BNC1: variants seen among roughly 807,000 people sequenced by gnomAD.
BNC1 encodes zinc finger protein basonuclin-1.
A neutral mutation model predicts 66.5 loss-of-function variants in BNC1; 8 were observed. The observed-to-expected ratio is 0.12, with a 90% CI of 0.07 to 0.22. The LOEUF (loss-of-function observed/expected upper bound fraction) is 0.22, where lower values mean the gene tolerates loss of function less well. Ranked by LOEUF, BNC1 falls within the 10% of genes least tolerant of loss-of-function variation. BNC1 has a pLI of 1.00. For synonymous variants in BNC1, 454 were observed against 452.6 expected (o/e 1.00, Z -0.04); for missense variants, 1,069 against 1,241.3 (o/e 0.86, Z 2.09).
Position 83,268,163 on chromosome 15 carries a change from C to A in BNC1, c.169G>T (p.Asp57Tyr). 3 of 1,614,166 alleles carry A rather than the reference C, an allele frequency of 1.9e-6. No homozygotes were observed. The highest frequency in any genetic ancestry group is 2.5e-6 in the Non-Finnish European group (3 of 1,180,026). The change falls in exon 2 of 5, where the codon GAC becomes TAC. Residue 57 changes from aspartate (D) to tyrosine (Y), a missense_variant. Around this residue, in one of 7 missense-constraint regions of BNC1, gnomAD observed 78 missense variants for 80.9 expected, o/e 0.96. Transcript: ENST00000345382. ...KPGKINHRQCDQCKHGWVAHA... is the reference protein window; with the variant it reads ...KPGKINHRQCYQCKHGWVAHA... ...GCCACCCATCCATGCTTGCATTGGT[C>A]ACACTGACGGTGGTTTATTTTCCCG...
chr15:83,283,580 C>T (rs1036875575), intron 1 of BNC1: 4 of 911,584 alleles, frequency 4.4e-6, no homozygotes, highest in African/African-American at 1.8e-5. Context: ...CCCATGCAAA[C>T]CCCTGAAGGA....
chr15:83,275,269 G>A (rs1205408406), intron 1 of BNC1, among the ~76,000 whole-genome samples: 1 of 152,224 alleles, frequency 6.6e-6, no homozygotes, highest in Non-Finnish European at 1.5e-5. Flanking sequence ...GAAGGCCGAG[G>A]CAGGGAACCT....
At chr15:83,281,990 C>G (rs1273861450) in intron 1 of BNC1, among the ~76,000 whole-genome samples, 1 of 152,234 alleles carries the variant, frequency 6.6e-6, no homozygotes, top group Non-Finnish European at 1.5e-5. Flanking sequence ...GCAATTACTT[C>G]ATGTTAGTCA....
At chr15:83,275,144 G>A (rs1721765264) in intron 1 of BNC1, among the ~76,000 whole-genome samples, 2 of 152,186 alleles carry the variant, frequency 1.3e-5, no homozygotes, top group South Asian at 4.1e-4. Flanking sequence ...ATATTCTAAA[G>A]GGCAGAGACA....
intron 1 of BNC1, among the ~76,000 whole-genome samples, chr15:83,279,955 C>G (rs2038361997): frequency 6.6e-6 from 1 of 152,144 alleles, no homozygotes; most frequent in African/African-American, 2.4e-5. Flanking sequence ...CTGAGTCTAC[C>G]TGTGAGTTTA....
chr15:83,283,064 T>TGGCCCCCG, intron 1 of BNC1: 1 of 1,477,584 alleles, frequency 6.8e-7, no homozygotes, highest in Non-Finnish European at 9.1e-7. Flanking sequence ...GAGCGTCTGA[T>TGGCCCCCG]GCCCCCCGCC....
chr15:83,262,639 C>T (rs529451541), intron 4 of BNC1, among the ~76,000 whole-genome samples: 5 of 152,216 alleles, frequency 3.3e-5, no homozygotes, highest in African/African-American at 9.6e-5. Context: ...ATTCATAGAA[C>T]GGTTTCTCAA....
Position 83,264,567 on chromosome 15 carries a change from G to C in BNC1, c.684C>G (p.Ser228Arg). ...TGAGGTTCTCAAAGGGGTGTATACT[G>C]CTGGGGTTTCCTTTGTCCACAGGAG... ...LPTPVDKGNP[S>R]SIHPFENLIS... is the part of the protein sequence containing the mutation. The change falls in exon 4 of 5, where the codon AGC (serine) becomes AGG (arginine). Residue 228 changes from serine to arginine, a missense_variant. Transcript: ENST00000345382. The C allele has an allele frequency of 6.2e-7, 1 of 1,614,128 alleles. No individual in the cohort carries two copies. The highest frequency in any genetic ancestry group is 8.5e-7 in the Non-Finnish European group (1 of 1,180,028).
At chr15:83,283,793 A>G (rs912420810) in intron 1 of BNC1, among the ~76,000 whole-genome samples, 19 of 152,214 alleles carry the variant, frequency 1.2e-4, no homozygotes, top group Non-Finnish European at 2.8e-4. Flanking sequence ...AGCTGGTCAA[A>G]TCTGCCCCGC....
chr15:83,262,688 G>C (rs1303433233), intron 4 of BNC1, among the ~76,000 whole-genome samples: 1 of 152,120 alleles, frequency 6.6e-6, no homozygotes, highest in African/African-American at 2.4e-5. Flanking sequence ...CATCATCTGG[G>C]AACTTGTATT....
intron 1 of BNC1, among the ~76,000 whole-genome samples, chr15:83,274,604 T>C (rs2038301298): frequency 6.6e-6 from 1 of 152,228 alleles, no homozygotes; most frequent in Non-Finnish European, 1.5e-5. Flanking sequence ...GTTTATCATG[T>C]GATCTATTTT....
chr15:83,259,607 G>C (rs528454670), intron 4 of BNC1, among the ~76,000 whole-genome samples: 2 of 152,186 alleles, frequency 1.3e-5, no homozygotes, highest in African/African-American at 4.8e-5. Context: ...GGTATGTGCC[G>C]ACAGAAAACC....
intron 1 of BNC1, chr15:83,283,536 A>AGTCGGGGGCCGGG (rs1478094010): frequency 1.0e-6 from 1 of 984,518 alleles, no homozygotes; most frequent in African/African-American, 1.7e-5. Flanking sequence ...GGGAGCTCGA[A>AGTCGGGGGCCGGG]GTCGGGGGCC....
In BNC1 at chr15:83,258,084, C is replaced by T. The variant is rs182406210; in HGVS notation, c.2343G>A (p.Gln781=). 7.5e-5 allele frequency: 121 copies of T among 1,606,452 alleles called. No individual in the cohort carries two copies. The Admixed American group carries it at 2.0e-3, about 27-fold the overall frequency. Residue 781 remains glutamine (Q), a synonymous_variant, in exon 5 of 5, where the codon CAG becomes CAA. Coordinates refer to ENST00000345382, the MANE Select transcript of BNC1 (RefSeq NM_001717.4). ...GATCTTCACTACTCTCCAATGCTTCCTGGCTCAATGCTTTTTGGTGGAGGT... is the reference window on the plus strand; with the variant it reads ...GATCTTCACTACTCTCCAATGCTTCTTGGCTCAATGCTTTTTGGTGGAGGT... ...NLNLHQKALS[Q]EALESSEDHF...
chr15:83,268,336 A>C, intron 1 of BNC1, 104 bp from the exon 2 acceptor site: 3 of 1,012,642 alleles, frequency 3.0e-6, no homozygotes, highest in Non-Finnish European at 3.0e-6. Flanking sequence ...GCACTTATTG[A>C]GCAATATGTG....
chr15:83,272,437 A>G (rs539021398), intron 1 of BNC1, among the ~76,000 whole-genome samples: 2 of 132,106 alleles, frequency 1.5e-5, no homozygotes, highest in African/African-American at 6.3e-5. Flanking sequence ...GGGTTTTGCC[A>G]TGTTGGCCAG....
intron 1 of BNC1, among the ~76,000 whole-genome samples, chr15:83,275,213 G>C (rs1434275326): frequency 6.6e-6 from 1 of 152,176 alleles, no homozygotes; most frequent in Admixed American, 6.5e-5. Flanking sequence ...AAAGAACTAA[G>C]AAGAGGCCAG....
chr15:83,271,817 G>A (rs2038272097), intron 1 of BNC1, among the ~76,000 whole-genome samples: 1 of 152,104 alleles, frequency 6.6e-6, no homozygotes, highest in African/African-American at 2.4e-5. Flanking sequence ...GTTTCTACTT[G>A]CATATACACA....
Position 83,263,472 on chromosome 15 carries a change from T to G in BNC1, c.1779A>C (p.Val593=). ...QSHRVSEEQH[V]QSGGLGKPFP... ...AAGGCTTCCCTAAGCCTCCTGACTG[T>G]ACATGCTGCTCCTCAGATACTCTGT... The change falls in exon 4 of 5, where the codon GTA becomes GTC. Residue 593 remains valine (V), a synonymous_variant. Coordinates refer to ENST00000345382, the MANE Select transcript of BNC1 (RefSeq NM_001717.4). The G allele has an allele frequency of 6.2e-7, 1 of 1,614,234 alleles. No homozygotes were observed. Among genetic ancestry groups the G allele is most frequent in the Non-Finnish European group, 8.5e-7 (1 of 1,180,036 alleles).
Sources: gnomAD v4.1 joint callset for allele counts (sites outside exome capture counted in the v4.1 genomes callset) on GRCh38, gnomAD v4.1.1 for gene constraint, gnomAD v4.1.1 regional missense constraint, MANE v1.5 for transcripts, NCBI Gene and HGNC (gene_info 2026-07-23, HGNC 2026-07-21) for gene names.